HSF2BP: variants seen among roughly 807,000 people sequenced by gnomAD.
The protein encoded by HSF2BP is heat shock transcription factor 2 binding protein.
In HSF2BP, 35 loss-of-function variants were observed where a neutral mutation model predicts 35.0. The observed-to-expected ratio is 1.00, with a 90% CI of 0.76 to 1.32. HSF2BP has a LOEUF of 1.32. Among genes scored for constraint, HSF2BP ranks in the 40% most tolerant of loss-of-function variants. The pLI, the probability that HSF2BP is intolerant of heterozygous loss-of-function variation, is 0.00. For missense variants in HSF2BP, 326 were observed against 321.7 expected (o/e 1.01, Z -0.10); for synonymous variants, 114 against 117.4 (o/e 0.97, Z 0.18).
At chr21:43,587,637 C>T (rs1280958840) in intron 8 of HSF2BP, among the ~76,000 whole-genome samples, 1 of 132,962 alleles carries the variant, frequency 7.5e-6, no homozygotes, top group Non-Finnish European at 1.5e-5. Flanking sequence ...TGCACTCCAA[C>T]CTGGACAACA....
chr21:43,575,370 T>G (rs1286739614), intron 8 of HSF2BP, among the ~76,000 whole-genome samples: 1 of 152,192 alleles, frequency 6.6e-6, no homozygotes, highest in Non-Finnish European at 1.5e-5. Context: ...CACAGAGAAT[T>G]ACACCCGCCA....
chr21:43,613,258 C>T (rs949509552), intron 7 of HSF2BP, among the ~76,000 whole-genome samples: 3 of 152,266 alleles, frequency 2.0e-5, no homozygotes, highest in South Asian at 2.1e-4. Flanking sequence ...AGCAGCTGAC[C>T]CACAGCTGAC....
chr21:43,656,875 CTATAGA>C, intron 2 of HSF2BP, 138 bp from the exon 3 acceptor site: 3 of 671,138 alleles, frequency 4.5e-6, no homozygotes, highest in Non-Finnish European at 7.6e-6. Context: ...GTATATTCTG[CTATAGA>C]TATATTTTAT....
At chr21:43,582,148 T>G (rs1188172824) in intron 8 of HSF2BP, among the ~76,000 whole-genome samples, 4 of 60,962 alleles carry the variant, frequency 6.6e-5, no homozygotes, top group East Asian at 5.4e-4. Flanking sequence ...GGGCCTGCTG[T>G]GGGGAATGAG....
At chr21:43,642,736 C>A (rs528899223) in intron 4 of HSF2BP, among the ~76,000 whole-genome samples, 5 of 151,742 alleles carry the variant, frequency 3.3e-5, no homozygotes, top group Non-Finnish European at 5.9e-5. Context: ...GATTTCAATG[C>A]TACTTTACCA....
chr21:43,613,744 A>G, intron 7 of HSF2BP, 86 bp downstream of exon 7: 1 of 906,364 alleles, frequency 1.1e-6, no homozygotes, highest in Non-Finnish European at 1.8e-6. Context: ...CACCAAAATT[A>G]ACTGTGTTTA....
At chr21:43,626,678 T>C (rs1474761071) in intron 6 of HSF2BP, among the ~76,000 whole-genome samples, 1 of 152,172 alleles carries the variant, frequency 6.6e-6, no homozygotes, top group African/African-American at 2.4e-5. Flanking sequence ...CTGACCCCAC[T>C]GGTTTGAAGT....
intron 7 of HSF2BP, among the ~76,000 whole-genome samples, chr21:43,599,183 T>C (rs893822836): frequency 2.6e-5 from 4 of 152,200 alleles, no homozygotes; most frequent in Non-Finnish European, 5.9e-5. Context: ...AGTTGGCAGA[T>C]GTCTTTAAAT....
At chr21:43,577,433 C>T (rs1042563554) in intron 8 of HSF2BP, among the ~76,000 whole-genome samples, 3 of 152,212 alleles carry the variant, frequency 2.0e-5, no homozygotes, top group African/African-American at 4.8e-5. Flanking sequence ...AACGTAATCA[C>T]ATTTATTATT....
chr21:43,613,585 T>A (rs565501801), intron 7 of HSF2BP, among the ~76,000 whole-genome samples: 10 of 152,316 alleles, frequency 6.6e-5, no homozygotes, highest in African/African-American at 2.4e-4. Context: ...GACATACCCA[T>A]GAAGTACCAT....
intron 6 of HSF2BP, among the ~76,000 whole-genome samples, chr21:43,619,760 G>A (rs1568918811): frequency 1.3e-5 from 2 of 152,212 alleles, no homozygotes. Context: ...CTATCCCTGA[G>A]GATAGCCAGA....
intron 5 of HSF2BP, among the ~76,000 whole-genome samples, chr21:43,630,728 C>G (rs376045952): frequency 9.2e-5 from 14 of 151,750 alleles, no homozygotes; most frequent in African/African-American, 3.4e-4. Context: ...AGAATTCACT[C>G]AAAATGTAAT....
chr21:43,658,169 G>A lies in HSF2BP; in HGVS notation c.-73C>T, dbSNP rs145641106. 4 of 1,436,380 alleles carry A rather than the reference G, an allele frequency of 2.8e-6. No homozygotes were observed. Among genetic ancestry groups the A allele is most frequent in the Non-Finnish European group, 3.7e-6 (4 of 1,091,532 alleles). The allele number at this position is 1,436,380 out of a possible 1,614,324, so 89.0% of individuals were successfully genotyped here. A position where few individuals can be genotyped will look rare whatever the true frequency, so the allele number is the denominator to read the frequency against. ...TGACCCCTCACGCCAGAAAGCGCGG[G>A]AACGAATCCACGCCGGGGGTCGGGA... On this transcript the variant is annotated 5_prime_UTR_variant, in exon 2 of 9. Transcript: ENST00000291560.
chr21:43,647,444 TG>T (rs2082723469), intron 3 of HSF2BP, among the ~76,000 whole-genome samples: 1 of 152,084 alleles, frequency 6.6e-6, no homozygotes, highest in South Asian at 2.1e-4. Flanking sequence ...TTGGCCAGGC[TG>T]GTCTTGAACT....
intron 4 of HSF2BP, among the ~76,000 whole-genome samples, chr21:43,635,111 A>G (rs2082534273): frequency 6.6e-6 from 1 of 152,188 alleles, no homozygotes; most frequent in Non-Finnish European, 1.5e-5. Context: ...AAAGAAAATC[A>G]TAGCATTCCC....
intron 7 of HSF2BP, among the ~76,000 whole-genome samples, chr21:43,593,065 A>C (rs1382384847): frequency 2.0e-5 from 3 of 152,236 alleles, no homozygotes; most frequent in Non-Finnish European, 4.4e-5. Context: ...AATCAAAGGA[A>C]AACATCTCTG....
chr21:43,658,167 G>C lies in HSF2BP; in HGVS notation c.-71C>G. ...TCTGACCCCTCACGCCAGAAAGCGC[G>C]GGAACGAATCCACGCCGGGGGTCGG... On this transcript the variant is annotated 5_prime_UTR_variant, in exon 2 of 9. Transcript: ENST00000291560. 6.9e-7 allele frequency: 1 copy of C among 1,442,072 alleles called. No homozygotes were observed. The highest frequency in any genetic ancestry group is 9.1e-7 in the Non-Finnish European group (1 of 1,095,558). The allele number at this position is 1,442,072 out of a possible 1,614,324, so 89.3% of individuals were successfully genotyped here.
intron 8 of HSF2BP, among the ~76,000 whole-genome samples, 161 bp downstream of exon 8, chr21:43,592,064 T>C (rs958046977): frequency 7.2e-5 from 11 of 152,232 alleles, no homozygotes; most frequent in Non-Finnish European, 1.3e-4. Context: ...AAACTTTACA[T>C]ACAGATGTAT....
chr21:43,656,528 G>A (rs536785262), intron 3 of HSF2BP, 59 bp downstream of exon 3: 1 of 1,506,566 alleles, frequency 6.6e-7, no homozygotes, highest in South Asian at 1.2e-5. Flanking sequence ...TTTACCTAGG[G>A]TAAATCTGCT....
Sources: allele counts gnomAD v4.1 joint callset (sites outside exome capture counted in the v4.1 genomes callset), GRCh38; gene constraint gnomAD v4.1.1; transcripts MANE v1.5; gene names NCBI Gene and HGNC (gene_info 2026-07-23, HGNC 2026-07-21).